The following NKAIN3 variants were observed in gnomAD, a reference collection of about 807,000 sequenced individuals.
NKAIN3 encodes sodium/potassium transporting ATPase interacting 3, also known as sodium/potassium-transporting ATPase subunit beta-1-interacting protein 3.
A neutral mutation model predicts 30.2 loss-of-function variants in NKAIN3; 25 were observed. That is an observed-to-expected ratio of 0.83 (90% confidence interval 0.60 to 1.16). NKAIN3 has a LOEUF of 1.16. NKAIN3 is among the 50% of genes most tolerant of loss of function. The pLI is 0.00. For synonymous variants in NKAIN3, 91 were observed against 89.6 expected (o/e 1.02, Z -0.09); for missense variants, 225 against 254.1 (o/e 0.89, Z 0.78).
chr8:62,608,301 C>T (rs1467606105), intron 3 of NKAIN3, among the ~76,000 whole-genome samples: 1 of 152,016 alleles, frequency 6.6e-6, no homozygotes, highest in East Asian at 1.9e-4. Context: ...AAAGGTGAAA[C>T]CTGAAGATGC....
chr8:62,689,632 T>A (rs1813901837), intron 3 of NKAIN3, among the ~76,000 whole-genome samples: 1 of 152,132 alleles, frequency 6.6e-6, no homozygotes, highest in Non-Finnish European at 1.5e-5. Flanking sequence ...GTAAAATAAA[T>A]CTCCTTGGAG....
At chr8:62,371,805 G>A (rs951974026) in intron 1 of NKAIN3, among the ~76,000 whole-genome samples, 1 of 151,606 alleles carries the variant, frequency 6.6e-6, no homozygotes, top group Non-Finnish European at 1.5e-5. Flanking sequence ...GCTGTTTCTA[G>A]TTTCAGACTA....
At chr8:62,934,091 A>C (rs1822706977) in intron 5 of NKAIN3, among the ~76,000 whole-genome samples, 1 of 152,234 alleles carries the variant, frequency 6.6e-6, no homozygotes, top group Admixed American at 6.5e-5. Flanking sequence ...GTACTATTAA[A>C]GATACTGATA....
intron 1 of NKAIN3, among the ~76,000 whole-genome samples, chr8:62,479,507 C>T (rs1365301829): frequency 6.6e-6 from 1 of 152,160 alleles, no homozygotes; most frequent in African/African-American, 2.4e-5. Flanking sequence ...CTAAGACTGC[C>T]CAGCTCTTGC....
intron 4 of NKAIN3, among the ~76,000 whole-genome samples, chr8:62,751,814 CTGTGTGTGTGTGTGTG>C (rs3032932): frequency 6.8e-6 from 1 of 146,584 alleles, no homozygotes; most frequent in Non-Finnish European, 1.5e-5. Context: ...TACTAAAAAA[CTGTGTGTGTGTGTGTG>C]TGTGTGTGTG....
At chr8:62,593,720 G>A (rs550895346) in intron 3 of NKAIN3, among the ~76,000 whole-genome samples, 3 of 151,970 alleles carry the variant, frequency 2.0e-5, no homozygotes, top group South Asian at 4.2e-4. Context: ...AGAAACAACC[G>A]GTATGCAATT....
At chr8:62,528,464 A>G (rs1351184594) in intron 1 of NKAIN3, among the ~76,000 whole-genome samples, 4 of 151,524 alleles carry the variant, frequency 2.6e-5, no homozygotes, top group African/African-American at 9.7e-5. Flanking sequence ...CATCGAATCT[A>G]TTCCACTACT....
intron 1 of NKAIN3, among the ~76,000 whole-genome samples, chr8:62,576,282 T>TC (rs1303356218): frequency 2.0e-5 from 3 of 152,076 alleles, no homozygotes; most frequent in African/African-American, 7.2e-5. Context: ...AATCTAATAA[T>TC]CTGATCAGAA....
intron 1 of NKAIN3, among the ~76,000 whole-genome samples, chr8:62,291,765 G>C (rs1813643834): frequency 1.3e-5 from 2 of 152,188 alleles, no homozygotes; most frequent in Admixed American, 6.5e-5. Flanking sequence ...GCATGGTGCA[G>C]AGCTGAGTTC....
chr8:62,345,545 A>G (rs922873822), intron 1 of NKAIN3, among the ~76,000 whole-genome samples: 1 of 145,280 alleles, frequency 6.9e-6, no homozygotes, highest in Non-Finnish European at 1.5e-5. Flanking sequence ...ACATATATAC[A>G]CATATATGTA....
At chr8:62,766,281 A>T (rs1322042554) in intron 4 of NKAIN3, among the ~76,000 whole-genome samples, 1 of 152,188 alleles carries the variant, frequency 6.6e-6, no homozygotes, top group Non-Finnish European at 1.5e-5. Context: ...GTTCCTAGCA[A>T]TGTTATTATT....
intron 1 of NKAIN3, among the ~76,000 whole-genome samples, chr8:62,262,677 G>A (rs1812481598): frequency 6.6e-6 from 1 of 152,122 alleles, no homozygotes; most frequent in South Asian, 2.1e-4. Context: ...GAGAGCTGTG[G>A]TTGGAAATAC....
At chr8:62,392,654 A>G (rs1817613870) in intron 1 of NKAIN3, among the ~76,000 whole-genome samples, 1 of 152,012 alleles carries the variant, frequency 6.6e-6, no homozygotes, top group Non-Finnish European at 1.5e-5. Context: ...AGAACATGAT[A>G]GATATAGTAT....
chr8:62,806,363 A>C (rs759541799), intron 4 of NKAIN3, among the ~76,000 whole-genome samples: 55 of 152,228 alleles, frequency 3.6e-4, no homozygotes, highest in Non-Finnish European at 7.1e-4. Flanking sequence ...ACGTATGTTT[A>C]TTGTGGCACT....
intron 1 of NKAIN3, among the ~76,000 whole-genome samples, chr8:62,458,071 A>G (rs888313542): frequency 6.6e-6 from 1 of 152,192 alleles, no homozygotes; most frequent in Non-Finnish European, 1.5e-5. Flanking sequence ...ATAGTTTTAC[A>G]TGAAACAAAA....
At chr8:62,490,346 C>T (rs142403819) in intron 1 of NKAIN3, among the ~76,000 whole-genome samples, 6 of 152,198 alleles carry the variant, frequency 3.9e-5, no homozygotes, top group East Asian at 3.9e-4. Flanking sequence ...GAAGTTCAGA[C>T]GGTTTAGCTG....
chr8:62,301,509 C>T (rs532545927), intron 1 of NKAIN3, among the ~76,000 whole-genome samples: 2 of 152,052 alleles, frequency 1.3e-5, no homozygotes, highest in African/African-American at 4.8e-5. Context: ...AGTTGGGCAC[C>T]TTTGATTTGC....
rs573829174 is a variant in NKAIN3, at chr8:62,285,420, G to A, written c.54+36293G>A. Among the ~76,000 whole-genome samples the A allele has an allele frequency of 2.7e-4, 41 of 152,196 alleles. No individual in the cohort carries two copies. The Middle Eastern group carries it at 0.014, about 51-fold the overall frequency. Reference sequence around the variant, plus strand: ...ATCAGGAGCTGTGGTATTCTTTTAAGGAGTCCTTGGAATGAGAGCTGAAGA... The same window carrying A: ...ATCAGGAGCTGTGGTATTCTTTTAAAGAGTCCTTGGAATGAGAGCTGAAGA... On this transcript the variant is annotated intron_variant, in intron 1 of 6. Coordinates refer to ENST00000623646, the MANE Select transcript of NKAIN3 (RefSeq NM_001304533.3).
intron 5 of NKAIN3, among the ~76,000 whole-genome samples, chr8:62,933,663 A>G (rs930789974): frequency 2.0e-5 from 3 of 152,228 alleles, no homozygotes. Flanking sequence ...TAAAATGGGA[A>G]AAAATTGTCA....
Sources: allele counts gnomAD v4.1 joint callset (sites outside exome capture counted in the v4.1 genomes callset), GRCh38; gene constraint gnomAD v4.1.1; transcripts MANE v1.5; gene names NCBI Gene and HGNC (gene_info 2026-07-23, HGNC 2026-07-21).